The following DDX43 variants were observed in gnomAD, a reference collection of about 807,000 sequenced individuals.
The protein encoded by DDX43 is probable ATP-dependent RNA helicase DDX43.
DDX43 carries 50 observed loss-of-function variants against 84.9 expected under a neutral mutation model. The ratio of observed to expected loss-of-function variants is 0.59; its 90% CI spans 0.47 to 0.75. DDX43 has a LOEUF of 0.75. Among genes scored for constraint, DDX43 ranks in the 30% least tolerant of loss-of-function variants. The pLI is 0.00. For missense variants in DDX43, 689 were observed against 798.6 expected, an observed-to-expected ratio of 0.86 and a Z score of 1.65; for synonymous variants, 291 against 266.3, an observed-to-expected ratio of 1.09 and a Z score of -0.90.
intron 11 of DDX43, among the ~76,000 whole-genome samples, chr6:73,413,345 C>T (rs531413890): frequency 1.1e-4 from 16 of 152,004 alleles, no homozygotes; most frequent in African/African-American, 3.9e-4. Flanking sequence ...AAATGGTTAG[C>T]GACATTGCGC....
At chr6:73,415,612 T>C in intron 15 of DDX43, 28 bp downstream of exon 15, 1 of 1,499,762 alleles carries the variant, frequency 6.7e-7, no homozygotes, top group South Asian at 1.2e-5. Flanking sequence ...ATTAGAAATC[T>C]ACCTGTTATC....
chr6:73,416,061 T>C, intron 15 of DDX43, 52 bp from the exon 16 acceptor site: 1 of 917,278 alleles, frequency 1.1e-6, no homozygotes, highest in Non-Finnish European at 1.8e-6. Flanking sequence ...TGCATTTTAG[T>C]GTTGTAGAAA....
intron 4 of DDX43, among the ~76,000 whole-genome samples, chr6:73,403,703 G>A (rs1240021341): frequency 6.6e-6 from 1 of 152,048 alleles, no homozygotes; most frequent in Non-Finnish European, 1.5e-5. Flanking sequence ...AGGCTAGAGT[G>A]AAGTAGCAAA....
At chr6:73,412,941 C>T (rs1296888054) in intron 11 of DDX43, among the ~76,000 whole-genome samples, 1 of 152,124 alleles carries the variant, frequency 6.6e-6, no homozygotes, top group Non-Finnish European at 1.5e-5. Context: ...GTTGGCCAGG[C>T]TGGTCTCAAA....
chr6:73,408,612 T>C (rs927131075), intron 9 of DDX43, among the ~76,000 whole-genome samples: 5 of 151,950 alleles, frequency 3.3e-5, no homozygotes, highest in African/African-American at 4.8e-5. Flanking sequence ...GCTGGAGTGC[T>C]GTCGCATGAT....
chr6:73,413,018 G>A (rs1243235463), intron 11 of DDX43, among the ~76,000 whole-genome samples: 5 of 152,082 alleles, frequency 3.3e-5, no homozygotes, highest in African/African-American at 9.7e-5. Flanking sequence ...GTGAGCCACC[G>A]CACCCAGCAA....
chr6:73,412,783 T>G (rs1204858368), intron 11 of DDX43, among the ~76,000 whole-genome samples: 6 of 151,306 alleles, frequency 4.0e-5, no homozygotes, highest in Non-Finnish European at 2.9e-5. Flanking sequence ...CAGGCTGGAG[T>G]GCAGTGGGGT....
rs199696558 is a variant in DDX43 at position 73,394,978 on chromosome 6, C to G, written c.73C>G (p.Arg25Gly). The G allele has an allele frequency of 2.3e-4, 369 of 1,614,240 alleles. 3 individuals are homozygous for G. In the East Asian group the frequency reaches 7.1e-3, roughly 31 times the overall value. Reference sequence around the variant, plus strand: ...TAGTCGGCGAAGCTCGACAGTGTCCCGAGCGCCAGAGAGGAGGCCGGCGGA... The same window carrying G: ...TAGTCGGCGAAGCTCGACAGTGTCCGGAGCGCCAGAGAGGAGGCCGGCGGA... ...VASRRSSTVS[R>G]APERRPAEEL... Residue 25 changes from arginine to glycine, a missense_variant, in exon 1 of 17, where the codon CGA becomes GGA. Physicochemically the swap from Arg to Gly is moderately radical, Grantham distance 125. Around this residue, in one of 2 missense-constraint regions of DDX43, gnomAD observed 137 missense variants for 105.9 expected, o/e 1.29. Transcript: ENST00000370336.
intron 2 of DDX43, among the ~76,000 whole-genome samples, chr6:73,398,164 G>A (rs1420034113): frequency 6.6e-6 from 1 of 152,124 alleles, no homozygotes; most frequent in Non-Finnish European, 1.5e-5. Context: ...TAGGTAAGTT[G>A]CCAAAGTTCT....
At position 73,411,033 on chromosome 6, in the gene DDX43, G is replaced by A. The variant is rs548355190; in HGVS notation, c.1281-1172G>A. ...AACCCCGTCTCTACTAAATTTACCC[G>A]GGAGTGGTGGCGGGCGCCTATAGTC... On this transcript the variant is annotated intron_variant, in intron 10 of 16. Coordinates refer to ENST00000370336, the MANE Select transcript of DDX43 (RefSeq NM_018665.3). 5.3e-5 allele frequency among the ~76,000 whole-genome samples: 8 copies of A among 151,736 alleles called. No homozygotes were observed. In the East Asian group the frequency reaches 1.0e-3, roughly 19 times the overall value.
chr6:73,410,015 A>G (rs1769754911), intron 10 of DDX43, among the ~76,000 whole-genome samples: 1 of 147,502 alleles, frequency 6.8e-6, no homozygotes, highest in Non-Finnish European at 1.5e-5. Flanking sequence ...GGGCAACAAG[A>G]GTGAAAATCT....
In DDX43 at chr6:73,404,713, T is replaced by G. The variant is rs781300335; in HGVS notation, c.592T>G (p.Phe198Val). 3.1e-6 allele frequency: 5 copies of G among 1,612,096 alleles called. No individual in the cohort carries two copies. The highest frequency in any genetic ancestry group is 4.2e-6 in the Non-Finnish European group (5 of 1,179,600). ...WADLPPIKKN[F>V]YKESTATSAM... The stretch of plus-strand genomic sequence containing the variant: ...AGATTTACCACCAATTAAGAAAAAC[T>G]TTTATAAAGAGTCCACTGCCACAAG... Residue 198 changes from phenylalanine (F) to valine (V), a missense_variant, in exon 5 of 17, where the codon TTT becomes GTT. By Grantham distance (50) the Phe-to-Val change is conservative (BLOSUM62 -1). Coordinates refer to ENST00000370336, the MANE Select transcript of DDX43 (RefSeq NM_018665.3).
chr6:73,399,536 G>A (rs895083837), intron 2 of DDX43, among the ~76,000 whole-genome samples: 4 of 152,060 alleles, frequency 2.6e-5, no homozygotes, highest in Admixed American at 6.5e-5. Context: ...TAATGGCCTC[G>A]TTTCAGCACT....
intron 1 of DDX43, among the ~76,000 whole-genome samples, chr6:73,396,950 TTATC>T (rs1402297387): frequency 2.0e-5 from 3 of 152,230 alleles, no homozygotes; most frequent in Admixed American, 1.3e-4. Flanking sequence ...ATACCTTACT[TTATC>T]TATTAATCAG....
chr6:73,400,485 A>G (rs1769546478), intron 3 of DDX43, 122 bp downstream of exon 3: 8 of 897,200 alleles, frequency 8.9e-6, no homozygotes, highest in Admixed American at 3.5e-5. Flanking sequence ...TGCAGTCTTA[A>G]TGATTTTTTA....
intron 10 of DDX43, among the ~76,000 whole-genome samples, chr6:73,410,350 G>A (rs187310901): frequency 2.6e-5 from 4 of 151,986 alleles, no homozygotes; most frequent in Admixed American, 6.6e-5. Flanking sequence ...TATTTTTACC[G>A]ATGGGGTTTC....
rs139171514 is a variant in DDX43, at chr6:73,394,997, C to T, written c.92C>T (p.Pro31Leu). ...STVSRAPERRPAEELNRTGPE... is the reference protein window; with the variant it reads ...STVSRAPERRLAEELNRTGPE... ...GTGTCCCGAGCGCCAGAGAGGAGGC[C>T]GGCGGAGGAGTTGAATCGAACAGGT... The change falls in exon 1 of 17, where the codon CCG becomes CTG. Residue 31 changes from proline to leucine, a missense_variant. This residue lies in a region of DDX43 where 137 missense variants were observed against 105.9 expected (regional missense o/e 1.29). Coordinates refer to ENST00000370336, the MANE Select transcript of DDX43 (RefSeq NM_018665.3). 1.2e-6 allele frequency: 2 copies of T among 1,614,252 alleles called. No homozygotes were observed. Among genetic ancestry groups the T allele is most frequent in the Non-Finnish European group, 1.7e-6 (2 of 1,180,036 alleles).
chr6:73,400,097 G>A (rs1769537069), intron 2 of DDX43, 137 bp from the exon 3 acceptor site: 2 of 602,624 alleles, frequency 3.3e-6, no homozygotes, highest in African/African-American at 1.9e-5. Context: ...ACATTGATTG[G>A]TGGTAATACT....
chr6:73,403,836 A>T (rs1191546694), intron 4 of DDX43, among the ~76,000 whole-genome samples: 20 of 146,670 alleles, frequency 1.4e-4, no homozygotes, highest in East Asian at 4.0e-4. Context: ...TTTTTTTTTT[A>T]AATGGAGTTT....
Sources: allele counts gnomAD v4.1 joint callset (sites outside exome capture counted in the v4.1 genomes callset), GRCh38; gene constraint gnomAD v4.1.1; regional missense constraint gnomAD v4.1.1; transcripts MANE v1.5; gene names NCBI Gene and HGNC (gene_info 2026-07-23, HGNC 2026-07-21).